SYT1: variants seen among roughly 807,000 people sequenced by gnomAD.
SYT1 encodes the protein synaptotagmin 1, also known as synaptotagmin-1.
A neutral mutation model predicts 44.8 loss-of-function variants in SYT1; 8 were observed. That is an observed-to-expected ratio of 0.18 (90% CI 0.10 to 0.32). The LOEUF (loss-of-function observed/expected upper bound fraction) is 0.32, where lower values mean the gene tolerates loss of function less well. Among genes scored for constraint, SYT1 ranks in the 10% least tolerant of loss-of-function variants. SYT1 has a pLI of 1.00. For missense variants in SYT1, 286 were observed against 509.3 expected (o/e 0.56, Z 4.22); for synonymous variants, 154 against 188.8 (o/e 0.82, Z 1.51).
At chr12:79,179,700 G>A (rs111521099) in intron 3 of SYT1, among the ~76,000 whole-genome samples, 3,220 of 151,594 alleles carry the variant, frequency 0.021, 50 homozygotes, top group Non-Finnish European at 0.031. Flanking sequence ...GATTACAGGC[G>A]GGAGCCACCA....
chr12:79,285,979 A>T lies in SYT1; in HGVS notation c.351+8A>T. On this transcript the variant is annotated splice_region_variant and intron_variant, in intron 5 of 10. Transcript: ENST00000261205. ...AAGACGATGAAAGATCAGGTAATGT[A>T]TTCTTTCTACATTTCTTCTTATTTT... is the stretch of plus-strand genomic sequence containing the variant. 6.3e-7 allele frequency: 1 copy of T among 1,590,616 alleles called. No homozygotes were observed. Among genetic ancestry groups the T allele is most frequent in the Non-Finnish European group, 8.5e-7 (1 of 1,174,240 alleles).
intron 8 of SYT1, among the ~76,000 whole-genome samples, chr12:79,331,570 T>C (rs1881855836): frequency 6.6e-6 from 1 of 152,192 alleles, no homozygotes; most frequent in Non-Finnish European, 1.5e-5. Flanking sequence ...TGCCAAGAAT[T>C]AATATGCATT....
At chr12:79,229,233 C>G (rs1875714871) in intron 4 of SYT1, among the ~76,000 whole-genome samples, 1 of 152,196 alleles carries the variant, frequency 6.6e-6, no homozygotes, top group Admixed American at 6.5e-5. Flanking sequence ...TCCTTTGAGA[C>G]TAGGTTAATT....
chr12:79,021,642 C>T (rs59949304), intron 2 of SYT1, among the ~76,000 whole-genome samples: 44 of 151,790 alleles, frequency 2.9e-4, no homozygotes, highest in African/African-American at 1.1e-3. Context: ...GTTAACCCCT[C>T]CAAAAATTAT....
At chr12:79,221,554 A>AT (rs1875161779) in intron 4 of SYT1, among the ~76,000 whole-genome samples, 1 of 151,796 alleles carries the variant, frequency 6.6e-6, no homozygotes, top group Admixed American at 6.6e-5. Flanking sequence ...CTTGCTTTTC[A>AT]TTTTTTGTAT....
Position 78,925,756 on chromosome 12 carries a change from A to G in SYT1, c.-216-52043A>G, listed in dbSNP as rs138942050. Reference sequence around the variant, plus strand: ...TTCATCTAATAATCGCGCTTTTTCTATGTTCAATTACACACTCACTAAGTA... The same window carrying G: ...TTCATCTAATAATCGCGCTTTTTCTGTGTTCAATTACACACTCACTAAGTA... On this transcript the variant is annotated intron_variant, in intron 1 of 10. Transcript: ENST00000261205. Among the ~76,000 whole-genome samples the G allele has an allele frequency of 1.7e-3, 259 of 152,060 alleles. 1 individual carries two copies. Among genetic ancestry groups the G allele is most frequent in the African/African-American group, 5.1e-3 (212 of 41,544 alleles).
chr12:79,128,783 ATAAAT>A (rs1438223370), intron 3 of SYT1, among the ~76,000 whole-genome samples: 1 of 152,254 alleles, frequency 6.6e-6, no homozygotes, highest in African/African-American at 2.4e-5. Flanking sequence ...ATAATAAAAA[ATAAAT>A]TAATTTTAAA....
intron 3 of SYT1, among the ~76,000 whole-genome samples, chr12:79,102,380 C>G (rs750308715): frequency 1.2e-4 from 18 of 152,024 alleles, no homozygotes; most frequent in Non-Finnish European, 2.2e-4. Flanking sequence ...ATACTTCCAC[C>G]CCTGGAAAGC....
intron 2 of SYT1, among the ~76,000 whole-genome samples, chr12:79,020,992 A>G (rs911915096): frequency 2.6e-5 from 4 of 151,930 alleles, no homozygotes; most frequent in African/African-American, 9.7e-5. Flanking sequence ...ACAAAATTGC[A>G]TTGTAAGCCA....
At chr12:78,947,944 T>C (rs561921608) in intron 1 of SYT1, among the ~76,000 whole-genome samples, 1 of 152,028 alleles carries the variant, frequency 6.6e-6, no homozygotes, top group South Asian at 2.1e-4. Flanking sequence ...CATAGCCCAC[T>C]AACATTCTAA....
At chr12:79,197,664 G>A (rs994861763) in intron 3 of SYT1, among the ~76,000 whole-genome samples, 3 of 152,072 alleles carry the variant, frequency 2.0e-5, no homozygotes, top group African/African-American at 7.2e-5. Context: ...TCTTAATAAT[G>A]ATCAAAGCTG....
chr12:79,012,255 G>A (rs959137431), intron 2 of SYT1, among the ~76,000 whole-genome samples: 3 of 152,094 alleles, frequency 2.0e-5, no homozygotes, highest in African/African-American at 7.2e-5. Context: ...TTGGGAATCA[G>A]CACAGTCAGT....
intron 3 of SYT1, among the ~76,000 whole-genome samples, chr12:79,174,626 G>A (rs1871746642): frequency 6.6e-6 from 1 of 151,964 alleles, no homozygotes; most frequent in Admixed American, 6.6e-5. Context: ...AGGGAGTTGG[G>A]AACTATCAAT....
At chr12:79,312,088 T>C (rs115888995) in intron 8 of SYT1, among the ~76,000 whole-genome samples, 1,609 of 152,086 alleles carry the variant, frequency 0.011, 30 homozygotes, top group African/African-American at 0.037. Flanking sequence ...GGGGAAAATG[T>C]TTTTTTGTGG....
chr12:79,428,661 G>T (rs1438137200), intron 9 of SYT1, among the ~76,000 whole-genome samples: 1 of 152,134 alleles, frequency 6.6e-6, no homozygotes, highest in African/African-American at 2.4e-5. Flanking sequence ...CACACTACCA[G>T]GTTCTATTGT....
intron 3 of SYT1, among the ~76,000 whole-genome samples, chr12:79,214,436 T>C (rs1192033985): frequency 1.3e-5 from 2 of 152,340 alleles, no homozygotes; most frequent in Admixed American, 6.5e-5. Context: ...CTGGGTAACT[T>C]TAAGAACATT....
At chr12:79,203,059 C>G (rs559572271) in intron 3 of SYT1, among the ~76,000 whole-genome samples, 104 of 150,370 alleles carry the variant, frequency 6.9e-4, no homozygotes, top group African/African-American at 2.5e-3. Context: ...GGCAAGTTAG[C>G]TTCGCCTAGT....
At chr12:78,904,127 G>A (rs1455410044) in intron 1 of SYT1, among the ~76,000 whole-genome samples, 1 of 151,914 alleles carries the variant, frequency 6.6e-6, no homozygotes, top group Admixed American at 6.6e-5. Context: ...ACTAATTTTT[G>A]TTTTTATAGT....
At chr12:79,410,506 C>CAAAAAAAAAAAAAAAAAAAAAAAAAA (rs5799432) in intron 9 of SYT1, among the ~76,000 whole-genome samples, 1 of 75,914 alleles carries the variant, frequency 1.3e-5, no homozygotes, top group East Asian at 3.9e-4. Context: ...TGTTCAAAGT[C>CAAAAAAAAAAAAAAAAAAAAAAAAAA]AAAAAAAAAA....
Sources: gnomAD v4.1 joint callset for allele counts (sites outside exome capture counted in the v4.1 genomes callset) on GRCh38, gnomAD v4.1.1 for gene constraint, MANE v1.5 for transcripts, NCBI Gene and HGNC (gene_info 2026-07-23, HGNC 2026-07-21) for gene names.